The following SPATA31F1 variants were observed in gnomAD, a reference collection of about 807,000 sequenced individuals.
SPATA31F1 encodes SPATA31 subfamily F member 1.
chr9:34,724,102 T>C, the SPATA31F1 span: 1 of 1,528,810 alleles, frequency 6.5e-7, no homozygotes, highest in Non-Finnish European at 8.8e-7. Flanking sequence ...CCTCTCTGTT[T>C]CCTGCTAGCA....
the SPATA31F1 span, chr9:34,724,148 C>T: frequency 6.5e-7 from 1 of 1,549,674 alleles, no homozygotes; most frequent in East Asian, 2.4e-5. Flanking sequence ...CTTGCTAGGG[C>T]TTTGAGGCTC....
the SPATA31F1 span, chr9:34,728,186 A>T: frequency 9.5e-7 from 1 of 1,049,806 alleles, no homozygotes; most frequent in South Asian, 1.6e-5. Flanking sequence ...AAAAGACTAC[A>T]ATCCTGAAAA....
chr9:34,726,856 A>C, the SPATA31F1 span: 4 of 1,551,688 alleles, frequency 2.6e-6, no homozygotes, highest in Non-Finnish European at 3.5e-6. Flanking sequence ...GCCCCGATAA[A>C]GTCAGGGAGA....
At chr9:34,728,768 AT>A in the SPATA31F1 span, 1 of 948,440 alleles carries the variant, frequency 1.1e-6, no homozygotes, top group Non-Finnish European at 1.6e-6. Context: ...ATCTATCTGT[AT>A]TTTATACACT....
the SPATA31F1 span, chr9:34,724,998 G>T: frequency 6.4e-7 from 1 of 1,552,072 alleles, no homozygotes. Context: ...AAAGCCTGTT[G>T]CTGCTGATCA....
chr9:34,729,201 G>A, the SPATA31F1 span: 1 of 1,439,362 alleles, frequency 6.9e-7, no homozygotes. Context: ...AAATTCTGGG[G>A]TGGGGATTAT....
At chr9:34,724,797 G>T in the SPATA31F1 span, 1 of 1,551,412 alleles carries the variant, frequency 6.4e-7, no homozygotes, top group Non-Finnish European at 8.7e-7. Flanking sequence ...ACGGGACTAG[G>T]CTCCATCTCT....
chr9:34,728,242 A>G, the SPATA31F1 span, among the ~76,000 whole-genome samples: 7 of 152,210 alleles, frequency 4.6e-5, no homozygotes, highest in African/African-American at 1.7e-4. Context: ...CTGTAACACA[A>G]TGTCCCATAT....
chr9:34,725,947 C>T, the SPATA31F1 span: 16 of 1,549,828 alleles, frequency 1.0e-5, no homozygotes, highest in Non-Finnish European at 1.4e-5. Flanking sequence ...CACAGAATAG[C>T]TGGCTGTATT....
the SPATA31F1 span, chr9:34,724,045 C>G: frequency 6.6e-7 from 1 of 1,526,068 alleles, no homozygotes; most frequent in Non-Finnish European, 8.9e-7. Flanking sequence ...GCCCAAACCC[C>G]GCATCCCCTT....
At chr9:34,726,562 C>G in the SPATA31F1 span, 41 of 1,551,762 alleles carry the variant, frequency 2.6e-5, no homozygotes, top group East Asian at 1.5e-4. Context: ...CCCTTGGCTT[C>G]TCAATCCTTG....
At chr9:34,728,039 C>A in the SPATA31F1 span, 1 of 1,552,166 alleles carries the variant, frequency 6.4e-7, no homozygotes, top group Admixed American at 2.0e-5. Flanking sequence ...TGATGGAGAG[C>A]AGCTTCTGTG....
chr9:34,724,892 G>A, the SPATA31F1 span: 2 of 1,549,588 alleles, frequency 1.3e-6, no homozygotes, highest in Non-Finnish European at 1.7e-6. Context: ...CGACAGGAAG[G>A]CCAGATGCTT....
chr9:34,729,329 C>G, the SPATA31F1 span: 2 of 1,552,008 alleles, frequency 1.3e-6, no homozygotes, highest in Non-Finnish European at 1.7e-6. Context: ...CATGGTGGCT[C>G]CTTTTCACTT....
chr9:34,728,017 A>G, the SPATA31F1 span: 5 of 1,551,816 alleles, frequency 3.2e-6, no homozygotes, highest in African/African-American at 5.5e-5. Flanking sequence ...AGAGCAATAG[A>G]TCACCTTTTA....
At chr9:34,727,985 G>A in the SPATA31F1 span, 1 of 1,542,340 alleles carries the variant, frequency 6.5e-7, no homozygotes, top group East Asian at 2.5e-5. Flanking sequence ...CATAGGCCAG[G>A]CTGGTTGTTG....
chr9:34,729,092 G>A, the SPATA31F1 span, among the ~76,000 whole-genome samples: 1 of 152,176 alleles, frequency 6.6e-6, no homozygotes, highest in Non-Finnish European at 1.5e-5. Flanking sequence ...AGAGGTTCTT[G>A]GCTTTTCAAT....
At chr9:34,727,889 C>T in the SPATA31F1 span, 4 of 784,730 alleles carry the variant, frequency 5.1e-6, 1 homozygote, top group South Asian at 5.7e-5. Flanking sequence ...CCCTCTCACC[C>T]AGTGTCCCTG....
chr9:34,726,592 G>T, the SPATA31F1 span: 5 of 1,551,768 alleles, frequency 3.2e-6, no homozygotes, highest in Non-Finnish European at 4.4e-6. Flanking sequence ...TGGTGTTTGG[G>T]CCCCGGAGCA....
Sources: allele counts gnomAD v4.1 joint callset (sites outside exome capture counted in the v4.1 genomes callset), GRCh38; gene constraint gnomAD v4.1.1; transcripts MANE v1.5; gene names NCBI Gene and HGNC (gene_info 2026-07-23, HGNC 2026-07-21).